DOCK2: variants seen among roughly 807,000 people sequenced by gnomAD.
The protein encoded by DOCK2 is dedicator of cytokinesis protein 2.
In DOCK2, 87 loss-of-function variants were observed where a neutral mutation model predicts 248.9. That is an observed-to-expected ratio of 0.35 (90% CI 0.29 to 0.42). The LOEUF is 0.42. DOCK2 is among the 10% of genes least tolerant of loss of function. The probability of loss-of-function intolerance (pLI) is 1.00; values close to 1 mark genes in which losing one functional copy is unlikely to be tolerated. For missense variants in DOCK2, 1,747 were observed against 2,300.2 expected (o/e 0.76, Z 4.92); for synonymous variants, 805 against 821.6 (o/e 0.98, Z 0.35).
intron 23 of DOCK2, among the ~76,000 whole-genome samples, chr5:169,750,008 G>A (rs1763813775): frequency 6.6e-6 from 1 of 152,162 alleles, no homozygotes; most frequent in African/African-American, 2.4e-5. Flanking sequence ...GAGAGCCAAG[G>A]ATGACCAATT....
chr5:169,729,465 C>T (rs1018751556), intron 22 of DOCK2, among the ~76,000 whole-genome samples: 1 of 152,012 alleles, frequency 6.6e-6, no homozygotes, highest in Admixed American at 6.6e-5. Flanking sequence ...CTAAACTGGC[C>T]CCTCTACCTG....
In DOCK2 at chr5:170,042,100, G is replaced by A. The variant is rs772944212; in HGVS notation, c.3844G>A (p.Glu1282Lys). ...THRQLKETLY[E>K]TIIGYFDKGK... ...CCGGCAGCTGAAGGAGACGCTCTAC[G>A]AGACCATCATAGGCTACTTTGACAA... Residue 1282 changes from glutamate (E) to lysine (K), a missense_variant, in exon 38 of 52, where the codon GAG (glutamate) becomes AAG (lysine). Glu to Lys is a moderately conservative substitution (Grantham distance 56). Coordinates refer to ENST00000520908, the MANE Select transcript of DOCK2 (RefSeq NM_004946.3). The A allele has an allele frequency of 4.3e-6, 7 of 1,613,206 alleles. No homozygotes were observed. The highest frequency in any genetic ancestry group is 4.5e-5 in the East Asian group (2 of 44,810).
intron 2 of DOCK2, among the ~76,000 whole-genome samples, chr5:169,656,323 AT>A (rs201780874): frequency 0.023 from 3,258 of 139,634 alleles, 24 homozygotes; most frequent in Non-Finnish European, 0.026. Flanking sequence ...GAGCTAGTGG[AT>A]TTTTTTTTTT....
chr5:169,998,995 G>A (rs1754742886), intron 30 of DOCK2, among the ~76,000 whole-genome samples: 1 of 152,180 alleles, frequency 6.6e-6, no homozygotes, highest in Non-Finnish European at 1.5e-5. Flanking sequence ...AGGTGACAGG[G>A]TTTGGTCCAT....
At chr5:169,663,351 G>T (rs558987089) in intron 2 of DOCK2, among the ~76,000 whole-genome samples, 1 of 152,212 alleles carries the variant, frequency 6.6e-6, no homozygotes, top group Non-Finnish European at 1.5e-5. Context: ...AGTGCAAGCT[G>T]TTGGTGGATC....
intron 30 of DOCK2, among the ~76,000 whole-genome samples, chr5:169,998,668 A>C (rs1754731296): frequency 6.6e-6 from 1 of 152,216 alleles, no homozygotes; most frequent in Admixed American, 6.5e-5. Flanking sequence ...CGAGCACATC[A>C]ATGCAAAGTT....
chr5:169,930,607 A>G (rs1335339282), intron 27 of DOCK2, among the ~76,000 whole-genome samples: 1 of 152,254 alleles, frequency 6.6e-6, no homozygotes, highest in African/African-American at 2.4e-5. Flanking sequence ...CTGCCAAATC[A>G]ATTTGTGCAA....
chr5:169,967,454 A>G (rs556094300), intron 27 of DOCK2, among the ~76,000 whole-genome samples: 2 of 152,298 alleles, frequency 1.3e-5, no homozygotes, highest in East Asian at 3.9e-4. Context: ...TTGGAGGGGA[A>G]TTAGTATAAG....
intron 26 of DOCK2, among the ~76,000 whole-genome samples, 155 bp downstream of exon 26, chr5:169,803,361 T>C (rs201708827): frequency 1.3e-5 from 2 of 152,218 alleles, no homozygotes; most frequent in East Asian, 3.8e-4. Context: ...CTAACCCCCA[T>C]TGCTGTGAAG....
At chr5:169,883,755 T>C in intron 27 of DOCK2, 1 of 1,551,648 alleles carries the variant, frequency 6.4e-7, no homozygotes, top group Non-Finnish European at 8.7e-7. Flanking sequence ...CTAGGCCAGT[T>C]GGATTCTTAG....
rs557019601 is a variant in DOCK2 at position 170,035,704 on chromosome 5, G to C, written c.3625-811G>C. Among the ~76,000 whole-genome samples, 51 of 152,286 alleles carry C rather than the reference G, an allele frequency of 3.3e-4. No homozygotes were observed. The South Asian group carries it at 9.3e-3, about 28-fold the overall frequency. On this transcript the variant is annotated intron_variant, in intron 35 of 51. Transcript: ENST00000520908. ...TGCTTAAATATGGTGTCAAGGAGGA[G>C]GGTGGGGATGGAGGTGGTATCAGGA...
chr5:169,764,810 T>C lies in DOCK2; in HGVS notation c.2554+3185T>C, dbSNP rs1478052634. Reference sequence around the variant, plus strand: ...GACCTAATGAATAAAAGGGCCTTGGTTGGTACATGCTCTCCATTCTGACTT... The same window carrying C: ...GACCTAATGAATAAAAGGGCCTTGGCTGGTACATGCTCTCCATTCTGACTT... On this transcript the variant is annotated intron_variant, in intron 25 of 51. Transcript: ENST00000520908. This position sits in a 1 kb window ranked among gnomAD's most constrained non-coding sequence, Gnocchi z 4.3. Among the ~76,000 whole-genome samples the C allele has an allele frequency of 5.9e-5, 9 of 152,032 alleles. No individual in the cohort carries two copies. The highest frequency in any genetic ancestry group is 1.5e-5 in the Non-Finnish European group (1 of 68,032).
Position 170,042,149 on chromosome 5 carries a change from C to A in DOCK2, c.3876+17C>A, listed in dbSNP as rs1351313609. 6.3e-7 allele frequency: 1 copy of A among 1,598,760 alleles called. No individual in the cohort carries two copies. The highest frequency in any genetic ancestry group is 1.1e-5 in the South Asian group (1 of 89,056). On this transcript the variant is annotated intron_variant, in intron 38 of 51. Transcript: ENST00000520908. ...AAAGGAAAGGTAATCTGTCCCTGCC[C>A]ACCCCCCGTGGGGACCCTGGCCACT...
intron 33 of DOCK2, among the ~76,000 whole-genome samples, chr5:170,023,858 A>C (rs1755813584): frequency 6.6e-6 from 1 of 152,220 alleles, no homozygotes; most frequent in Admixed American, 6.5e-5. Context: ...ACGTGTGAGG[A>C]AGAGCAATCA....
At position 170,050,503 on chromosome 5, in the gene DOCK2, T is replaced by C. The variant is rs1756876576; in HGVS notation, c.4213+106T>C. 15 of 1,352,414 alleles carry C rather than the reference T, an allele frequency of 1.1e-5. 1 individual carries two copies. The South Asian group carries it at 2.2e-4, about 20-fold the overall frequency. 83.8% of individuals were successfully genotyped at this position (1,352,414 alleles called of 1,614,324 possible). A position where few individuals can be genotyped will look rare whatever the true frequency, so the allele number is the denominator to read the frequency against. On this transcript the variant is annotated intron_variant, in intron 41 of 51. Transcript: ENST00000520908. The stretch of plus-strand genomic sequence containing the variant: ...GAGCTCAGGGCTGCTGCCAGAATCA[T>C]TGCAGTGGCGCCATGTTGCAGGAAC...
chr5:169,678,524 A>G (rs1020530402), intron 6 of DOCK2, among the ~76,000 whole-genome samples: 33 of 152,236 alleles, frequency 2.2e-4, no homozygotes, highest in African/African-American at 7.9e-4. Flanking sequence ...TGGCCTGCAA[A>G]AGTGCTGGGA....
intron 22 of DOCK2, among the ~76,000 whole-genome samples, chr5:169,745,294 CA>C (rs1249415050): frequency 6.6e-6 from 1 of 152,194 alleles, no homozygotes; most frequent in African/African-American, 2.4e-5. Flanking sequence ...GGGCAAGTTT[CA>C]ACCTCTTGAG....
intron 27 of DOCK2, among the ~76,000 whole-genome samples, chr5:169,882,219 C>G (rs1772696091): frequency 6.6e-6 from 1 of 152,168 alleles, no homozygotes; most frequent in South Asian, 2.1e-4. Flanking sequence ...AAGTGCCTTC[C>G]TGCTATCATT....
chr5:169,800,730 A>G (rs966091960), intron 25 of DOCK2, among the ~76,000 whole-genome samples: 12 of 152,058 alleles, frequency 7.9e-5, no homozygotes, highest in African/African-American at 2.9e-4. Flanking sequence ...AAATTTAAGT[A>G]AAAACAAATG....
Sources: allele counts gnomAD v4.1 joint callset (sites outside exome capture counted in the v4.1 genomes callset), GRCh38; gene constraint gnomAD v4.1.1; non-coding constraint Gnocchi (gnomAD v3.1); transcripts MANE v1.5; gene names NCBI Gene and HGNC (gene_info 2026-07-23, HGNC 2026-07-21).